Variants in GARNL3 observed in about 807,000 individuals in gnomAD.
GARNL3 encodes GTPase activating Rap/RanGAP domain like 3.
GARNL3 carries 63 observed loss-of-function variants against 125.0 expected under a neutral mutation model. The ratio of observed to expected loss-of-function variants is 0.50; its 90% CI spans 0.41 to 0.62. The LOEUF (loss-of-function observed/expected upper bound fraction) is 0.62. GARNL3 is among the 20% of genes least tolerant of loss of function. The pLI is 0.00. For missense variants in GARNL3, 994 were observed against 1,244.0 expected (o/e 0.80, Z 3.02); for synonymous variants, 439 against 457.5 (o/e 0.96, Z 0.52).
intron 16 of GARNL3, 117 bp downstream of exon 16, chr9:127,345,594 A>T: frequency 1.6e-6 from 1 of 633,274 alleles, no homozygotes; most frequent in South Asian, 2.4e-5. Context: ...TCTACTGCAG[A>T]GTCCTCAGGG....
intron 12 of GARNL3, among the ~76,000 whole-genome samples, chr9:127,338,866 A>G (rs1375741514): frequency 6.6e-6 from 1 of 152,228 alleles, no homozygotes; most frequent in Non-Finnish European, 1.5e-5. Flanking sequence ...CTGGCAGACC[A>G]GAGAAGGCAC....
chr9:127,386,745 A>G (rs1334548267), intron 24 of GARNL3, among the ~76,000 whole-genome samples: 1 of 152,248 alleles, frequency 6.6e-6, no homozygotes, highest in Non-Finnish European at 1.5e-5. Context: ...TGCTGTTAGC[A>G]GCAGCGCCAG....
At chr9:127,331,499 A>G (rs1167333578) in intron 7 of GARNL3, among the ~76,000 whole-genome samples, 1 of 148,184 alleles carries the variant, frequency 6.7e-6, no homozygotes, top group Non-Finnish European at 1.5e-5. Context: ...TCTCAAAAAA[A>G]GAAAGAAAAA....
chr9:127,355,040 G>A (rs1349205503), intron 19 of GARNL3, among the ~76,000 whole-genome samples: 7 of 152,314 alleles, frequency 4.6e-5, no homozygotes, highest in African/African-American at 9.6e-5. Flanking sequence ...TTATTCGCCC[G>A]CCTCGGCCTC....
rs756264516 is a variant in GARNL3 at position 127,344,317 on chromosome 9, C to A, written c.1334C>A (p.Ala445Glu). Residue 445 changes from alanine (A) to glutamate (E), a missense_variant, in exon 15 of 28, where the codon GCG becomes GAG. Ala to Glu is a moderately radical substitution (Grantham distance 107). Around this residue, in one of 5 missense-constraint regions of GARNL3, gnomAD observed 728 missense variants for 865.7 expected, o/e 0.84. Coordinates refer to ENST00000373387, the MANE Select transcript of GARNL3 (RefSeq NM_032293.5). The part of the protein sequence containing the change: ...SARKKEEARQ[A>E]EFVRIGQALK... ...CGGAAGAAAGAGGAGGCCCGCCAGGCGGAGTTTGTTAGAATAGGGCAGGTG... is the reference window on the plus strand; with the variant it reads ...CGGAAGAAAGAGGAGGCCCGCCAGGAGGAGTTTGTTAGAATAGGGCAGGTG... 6.2e-7 allele frequency: 1 copy of A among 1,613,566 alleles called. No individual in the cohort carries two copies. Among genetic ancestry groups the A allele is most frequent in the Non-Finnish European group, 8.5e-7 (1 of 1,179,472 alleles).
chr9:127,383,193 C>T (rs1481595267), intron 22 of GARNL3, among the ~76,000 whole-genome samples: 1 of 152,204 alleles, frequency 6.6e-6, no homozygotes, highest in African/African-American at 2.4e-5. Flanking sequence ...GGCTTTAAAG[C>T]TCAGTGCCTG....
intron 2 of GARNL3, among the ~76,000 whole-genome samples, chr9:127,302,502 A>G (rs1208263846): frequency 2.0e-5 from 3 of 152,210 alleles, no homozygotes; most frequent in East Asian, 3.8e-4. Context: ...CATATGTACT[A>G]CTACACAAAA....
chr9:127,249,885 T>C (rs922987828), intron 2 of GARNL3, among the ~76,000 whole-genome samples: 1 of 152,144 alleles, frequency 6.6e-6, no homozygotes, highest in African/African-American at 2.4e-5. Flanking sequence ...GGTGGACGCC[T>C]GTAATCCCAG....
intron 2 of GARNL3, among the ~76,000 whole-genome samples, chr9:127,298,144 A>G (rs1412659554): frequency 6.6e-6 from 1 of 152,228 alleles, no homozygotes; most frequent in African/African-American, 2.4e-5. Context: ...CCAACTTGAT[A>G]TCACCAAACG....
At chr9:127,317,098 C>T (rs1447453964) in intron 4 of GARNL3, among the ~76,000 whole-genome samples, 1 of 152,102 alleles carries the variant, frequency 6.6e-6, no homozygotes, top group Non-Finnish European at 1.5e-5. Flanking sequence ...TCTTCTTAGA[C>T]GATTAGGAAG....
At chr9:127,265,267 T>A (rs1490053792) in intron 1 of GARNL3, among the ~76,000 whole-genome samples, 3 of 152,232 alleles carry the variant, frequency 2.0e-5, no homozygotes, top group Non-Finnish European at 4.4e-5. Context: ...GGCTTGGTAT[T>A]TTTCTCTGTG....
intron 1 of GARNL3, chr9:127,225,470 G>C: frequency 1.6e-6 from 1 of 635,476 alleles, no homozygotes; most frequent in Non-Finnish European, 2.0e-6. Context: ...GCGATGTGAA[G>C]GGACAGCGGG....
Position 127,387,275 on chromosome 9 carries a change from C to T in GARNL3, c.2471C>T (p.Ser824Phe), listed in dbSNP as rs1832591273. ...GSSKGASARN[S>F]PQTPPGRDTP... The stretch of plus-strand genomic sequence containing the variant: ...TCCAAGGGGGCCAGTGCCCGAAATT[C>T]TCCTCAGACACCCCCGGGCCGAGAT... Residue 824 changes from serine to phenylalanine, a missense_variant, in exon 25 of 28, where the codon TCT (serine) becomes TTT (phenylalanine). Coordinates refer to ENST00000373387, the MANE Select transcript of GARNL3 (RefSeq NM_032293.5). The T allele has an allele frequency of 1.2e-6, 2 of 1,614,062 alleles. No homozygotes were observed. The highest frequency in any genetic ancestry group is 2.7e-5 in the African/African-American group (2 of 74,930).
intron 1 of GARNL3, among the ~76,000 whole-genome samples, chr9:127,236,371 T>C (rs2063112848): frequency 6.6e-6 from 1 of 152,378 alleles, no homozygotes; most frequent in Non-Finnish European, 1.5e-5. Flanking sequence ...AAAACAATGC[T>C]GAGCAGGTCA....
chr9:127,246,545 C>A (rs1564845752), intron 2 of GARNL3, among the ~76,000 whole-genome samples: 1 of 152,082 alleles, frequency 6.6e-6, no homozygotes, highest in Admixed American at 6.6e-5. Context: ...GTGGCTTATG[C>A]CCTTAATCCC....
intron 2 of GARNL3, among the ~76,000 whole-genome samples, chr9:127,299,632 G>A (rs774868721): frequency 4.6e-5 from 7 of 151,852 alleles, no homozygotes; most frequent in Non-Finnish European, 8.8e-5. Flanking sequence ...GTGCAATGGC[G>A]TGATCTCAGC....
At chr9:127,281,974 A>C (rs1164319843) in intron 1 of GARNL3, among the ~76,000 whole-genome samples, 1 of 152,252 alleles carries the variant, frequency 6.6e-6, no homozygotes, top group Admixed American at 6.5e-5. Context: ...ATCTTCCAGA[A>C]TAAATTGCAT....
At chr9:127,290,229 T>A (rs1465368039) in intron 1 of GARNL3, among the ~76,000 whole-genome samples, 11 of 152,244 alleles carry the variant, frequency 7.2e-5, no homozygotes, top group African/African-American at 2.4e-5. Context: ...GAAAAATTTA[T>A]CAATCTCTTT....
At chr9:127,335,087 G>A in intron 9 of GARNL3, 143 bp from the exon 10 acceptor site, 1 of 626,060 alleles carries the variant, frequency 1.6e-6, no homozygotes, top group Non-Finnish European at 2.9e-6. Context: ...ATCAAGTGGA[G>A]GGTTGTTGCT....
Sources: gnomAD v4.1 joint callset for allele counts (sites outside exome capture counted in the v4.1 genomes callset) on GRCh38, gnomAD v4.1.1 for gene constraint, gnomAD v4.1.1 regional missense constraint, MANE v1.5 for transcripts, NCBI Gene and HGNC (gene_info 2026-07-23, HGNC 2026-07-21) for gene names.